The following CTNNA3 variants were observed in gnomAD, a reference collection of about 807,000 sequenced individuals.
The protein encoded by CTNNA3 is catenin alpha 3, also known as catenin alpha-3.
In CTNNA3, 76 loss-of-function variants were observed where a neutral mutation model predicts 95.7. The ratio of observed to expected loss-of-function variants is 0.79; its 90% CI spans 0.66 to 0.96. CTNNA3 has a LOEUF of 0.96. Among genes scored for constraint, CTNNA3 ranks in the 40% least tolerant of loss-of-function variants. The probability of loss-of-function intolerance (pLI) is 0.00; values close to 1 mark genes in which losing one functional copy is unlikely to be tolerated. For synonymous variants in CTNNA3, 431 were observed against 374.4 expected (o/e 1.15, Z -1.74); for missense variants, 1,191 against 1,089.8 (o/e 1.09, Z -1.31).
At chr10:66,807,414 A>G (rs1477806160) in intron 7 of CTNNA3, among the ~76,000 whole-genome samples, 1 of 152,088 alleles carries the variant, frequency 6.6e-6, no homozygotes, top group Non-Finnish European at 1.5e-5. Flanking sequence ...CTTTACTCCA[A>G]CCTCAGCTAA....
chr10:67,081,680 G>C (rs1160310582), intron 7 of CTNNA3, among the ~76,000 whole-genome samples: 1 of 152,108 alleles, frequency 6.6e-6, no homozygotes, highest in African/African-American at 2.4e-5. Flanking sequence ...CTGCCATTTT[G>C]AGTAGTTCTA....
intron 10 of CTNNA3, among the ~76,000 whole-genome samples, chr10:66,551,134 C>T (rs988208093): frequency 6.6e-6 from 1 of 152,100 alleles, no homozygotes; most frequent in Admixed American, 6.5e-5. Context: ...ATTCCCTTTC[C>T]TTTAGCCTTT....
intron 10 of CTNNA3, among the ~76,000 whole-genome samples, chr10:66,579,526 A>G (rs1843115210): frequency 1.3e-5 from 2 of 151,824 alleles, no homozygotes. Flanking sequence ...TTACAGACTT[A>G]GAGGTATTGT....
intron 5 of CTNNA3, among the ~76,000 whole-genome samples, chr10:67,257,111 T>C (rs1866383358): frequency 6.6e-6 from 1 of 152,216 alleles, no homozygotes; most frequent in African/African-American, 2.4e-5. Flanking sequence ...ATTTTATAAC[T>C]ATAAAACAAT....
chr10:67,057,235 A>T (rs1855492096), intron 7 of CTNNA3, among the ~76,000 whole-genome samples: 1 of 152,192 alleles, frequency 6.6e-6, no homozygotes, highest in African/African-American at 2.4e-5. Context: ...AATGATTGCC[A>T]CAATCAATTA....
chr10:66,825,004 T>C (rs1589297105), intron 7 of CTNNA3, among the ~76,000 whole-genome samples: 1 of 151,690 alleles, frequency 6.6e-6, no homozygotes, highest in East Asian at 1.9e-4. Flanking sequence ...AAGAACTCTT[T>C]GTAAGATTCC....
chr10:66,565,066 G>A (rs2631207), intron 10 of CTNNA3, among the ~76,000 whole-genome samples: 121,133 of 152,096 alleles, frequency 0.8, 49,263 homozygotes, highest in Non-Finnish European at 0.89. Flanking sequence ...TCAAATTACT[G>A]AGTCATAAAA....
At chr10:67,325,903 T>A (rs1841518586) in intron 5 of CTNNA3, among the ~76,000 whole-genome samples, 1 of 152,164 alleles carries the variant, frequency 6.6e-6, no homozygotes, top group African/African-American at 2.4e-5. Context: ...AGTTTATGAA[T>A]CTGGGTGCTC....
chr10:66,360,595 CCTTCTTTCTTT>C (rs1160644332), intron 12 of CTNNA3, among the ~76,000 whole-genome samples: 1 of 103,196 alleles, frequency 9.7e-6, no homozygotes, highest in Non-Finnish European at 2.4e-5. Context: ...TGTATTCTTT[CCTTCTTTCTTT>C]CTTTCTTTCT....
chr10:67,382,706 G>A (rs1420554553), intron 5 of CTNNA3, among the ~76,000 whole-genome samples: 1 of 152,118 alleles, frequency 6.6e-6, no homozygotes, highest in African/African-American at 2.4e-5. Flanking sequence ...ATAAAGAAAA[G>A]AGGTTTATTT....
chr10:66,705,321 T>A (rs1170526213), intron 9 of CTNNA3, among the ~76,000 whole-genome samples: 2 of 152,066 alleles, frequency 1.3e-5, no homozygotes, highest in African/African-American at 4.8e-5. Context: ...TATTTACTAA[T>A]TTTTTATAAT....
At chr10:66,858,792 T>G (rs1168564639) in intron 7 of CTNNA3, among the ~76,000 whole-genome samples, 1 of 151,934 alleles carries the variant, frequency 6.6e-6, no homozygotes, top group Non-Finnish European at 1.5e-5. Flanking sequence ...TCTTTATTAG[T>G]ATAGCTAGTG....
At chr10:66,022,955 G>T (rs1167257254) in intron 15 of CTNNA3, among the ~76,000 whole-genome samples, 4 of 152,066 alleles carry the variant, frequency 2.6e-5, no homozygotes, top group African/African-American at 9.7e-5. Flanking sequence ...ATAATCAGTT[G>T]CTCCCTCATT....
At chr10:67,270,308 T>G (rs577177467) in intron 5 of CTNNA3, among the ~76,000 whole-genome samples, 2 of 152,226 alleles carry the variant, frequency 1.3e-5, no homozygotes, top group Admixed American at 1.3e-4. Flanking sequence ...TAAAAGCACT[T>G]TTTAAAAGGA....
intron 5 of CTNNA3, among the ~76,000 whole-genome samples, chr10:67,370,954 C>T (rs1386954537): frequency 1.3e-5 from 2 of 148,612 alleles, no homozygotes; most frequent in East Asian, 2.0e-4. Context: ...GCAAGCTGCG[C>T]CTCCCGGGTT....
At chr10:66,343,765 A>T (rs1258075947) in intron 12 of CTNNA3, among the ~76,000 whole-genome samples, 2 of 152,068 alleles carry the variant, frequency 1.3e-5, no homozygotes, top group African/African-American at 4.8e-5. Context: ...CTTTGAGATG[A>T]TGGATATGCT....
In CTNNA3 at chr10:66,905,479, C is replaced by T. The variant is rs116643733; in HGVS notation, c.1048-129955G>A. The stretch of plus-strand genomic sequence containing the variant: ...CCACATGTATGCCAATGTAACAAAC[C>T]TACATGTTGTACACATGTGCCCTAG... On this transcript the variant is annotated intron_variant, in intron 7 of 17. Transcript: ENST00000433211. 3.8e-3 allele frequency among the ~76,000 whole-genome samples: 585 copies of T among 152,248 alleles called. 5 individuals carry two copies. Among genetic ancestry groups the T allele is most frequent in the African/African-American group, 0.013 (558 of 41,554 alleles).
At chr10:66,567,480 A>G (rs989037820) in intron 10 of CTNNA3, among the ~76,000 whole-genome samples, 1 of 152,044 alleles carries the variant, frequency 6.6e-6, no homozygotes, top group African/African-American at 2.4e-5. Flanking sequence ...TTAGCTGGGC[A>G]TGGTGGTACA....
chr10:66,376,162 T>G (rs2092795736), intron 12 of CTNNA3, among the ~76,000 whole-genome samples: 1 of 152,126 alleles, frequency 6.6e-6, no homozygotes, highest in African/African-American at 2.4e-5. Context: ...CCAGTTTAGG[T>G]TTTTCCCCAA....
Sources: gnomAD v4.1 joint callset for allele counts (sites outside exome capture counted in the v4.1 genomes callset) on GRCh38, gnomAD v4.1.1 for gene constraint, MANE v1.5 for transcripts, NCBI Gene and HGNC (gene_info 2026-07-23, HGNC 2026-07-21) for gene names.